The following TTC3 variants were observed in gnomAD, a reference collection of about 807,000 sequenced individuals.
TTC3 encodes E3 ubiquitin-protein ligase TTC3.
Under a neutral mutation model 249.6 loss-of-function variants are expected in TTC3, and 180 were observed. The ratio of observed to expected loss-of-function variants is 0.72; its 90% CI spans 0.64 to 0.82. The LOEUF is 0.82. TTC3 is among the 40% of genes least tolerant of loss of function. The pLI is 0.00. For missense variants in TTC3, 2,061 were observed against 2,398.4 expected, an observed-to-expected ratio of 0.86 and a Z score of 2.94; for synonymous variants, 717 against 805.0, an observed-to-expected ratio of 0.89 and a Z score of 1.85.
At position 37,095,137 on chromosome 21, in the gene TTC3, A is replaced by ATGTGTGTGTGTGTGTGTCTGTG. The variant is rs372505505; in HGVS notation, c.688-196_688-195insCTGTGTGTGTGTGTGTGTGTGT. ...GGTGACAGACCCTGTCTCTAAAAATATGTGTGTGTGTGTGTGTGTGTGTGT... is the reference window on the plus strand; with the variant it reads ...GGTGACAGACCCTGTCTCTAAAAATATGTGTGTGTGTGTGTGTCTGTGTGTGTGTGTGTGTGTGTGTGTGTGT... On this transcript the variant is annotated intron_variant, in intron 8 of 45. Coordinates refer to ENST00000355666, the Ensembl canonical transcript of TTC3. 5.2e-3 allele frequency among the ~76,000 whole-genome samples: 768 copies of ATGTGTGTGTGTGTGTGTCTGTG among 147,588 alleles called. 3 individuals carry two copies. Among genetic ancestry groups the ATGTGTGTGTGTGTGTGTCTGTG allele is most frequent in the Non-Finnish European group, 8.8e-3 (587 of 66,880 alleles).
intron 29 of TTC3, 29 bp from the exon 30 acceptor site, chr21:37,160,773 G>T: frequency 6.2e-7 from 1 of 1,610,594 alleles, no homozygotes. Flanking sequence ...TTATTTGAGT[G>T]TTCACTGATT....
chr21:37,103,865 TGTA>T (rs150552582), intron 10 of TTC3, among the ~76,000 whole-genome samples: 6,522 of 152,180 alleles, frequency 0.043, 356 homozygotes, highest in East Asian at 0.24. Flanking sequence ...AGGAGGGCCT[TGTA>T]GGCTGTGTTA....
At chr21:37,192,023 G>GA in intron 40 of TTC3, 89 bp from the exon 41 acceptor site, 1 of 804,752 alleles carries the variant, frequency 1.2e-6, no homozygotes. Context: ...TCCTTACCAA[G>GA]ACAGTTATGT....
chr21:37,076,380 T>A (rs1053756296), intron 1 of TTC3, among the ~76,000 whole-genome samples: 3 of 152,254 alleles, frequency 2.0e-5, no homozygotes, highest in Non-Finnish European at 2.9e-5. Context: ...TATGAAGTTA[T>A]ATACTTTTTG....
intron 7 of TTC3, among the ~76,000 whole-genome samples, chr21:37,093,106 G>A (rs544795516): frequency 1.4e-4 from 21 of 152,168 alleles, no homozygotes; most frequent in East Asian, 1.2e-3. Context: ...CGCTGGGCGC[G>A]GTGGCTCACA....
intron 1 of TTC3, among the ~76,000 whole-genome samples, chr21:37,079,367 C>T (rs1020693119): frequency 4.6e-5 from 7 of 151,982 alleles, no homozygotes; most frequent in Non-Finnish European, 8.8e-5. Context: ...TGGAACTTAA[C>T]TATAAGGTCA....
At chr21:37,135,161 A>C (rs1293892514) in intron 17 of TTC3, among the ~76,000 whole-genome samples, 4 of 152,236 alleles carry the variant, frequency 2.6e-5, no homozygotes, top group Admixed American at 6.5e-5. Flanking sequence ...GTCACAGGCA[A>C]CAGAAGAGGT....
exon 7 of TTC3, chr21:37,091,372 T>C (rs775953556): frequency 6.2e-7 from 1 of 1,610,896 alleles, no homozygotes; most frequent in Non-Finnish European, 8.5e-7. Context: ...TTAGGATCAA[T>C]TGACAATTGT....
chr21:37,152,963 A>G (rs749329939), exon 27 of TTC3: 72 of 1,593,212 alleles, frequency 4.5e-5, no homozygotes, highest in Non-Finnish European at 4.5e-5. Context: ...ACTGTAGACA[A>G]TGTTCAGCGT....
At chr21:37,095,811 C>G (rs928952812) in intron 9 of TTC3, among the ~76,000 whole-genome samples, 1 of 152,206 alleles carries the variant, frequency 6.6e-6, no homozygotes, top group African/African-American at 2.4e-5. Flanking sequence ...GCCACCCATT[C>G]AGGGTTTTTT....
At chr21:37,087,650 A>AT (rs1465326883) in intron 2 of TTC3, among the ~76,000 whole-genome samples, 183 bp from the exon 3 acceptor site, 2 of 152,186 alleles carry the variant, frequency 1.3e-5, no homozygotes, top group East Asian at 3.9e-4. Context: ...GGGGAGAGCC[A>AT]TAGAAGCAAA....
At chr21:37,160,113 G>T (rs2080559142) in intron 29 of TTC3, among the ~76,000 whole-genome samples, 1 of 152,186 alleles carries the variant, frequency 6.6e-6, no homozygotes, top group African/African-American at 2.4e-5. Flanking sequence ...AAGGGACTTT[G>T]TTTTGAGTGG....
At chr21:37,091,869 C>T in intron 7 of TTC3, among the ~76,000 whole-genome samples, 1 of 152,150 alleles carries the variant, frequency 6.6e-6, no homozygotes. Flanking sequence ...GCGTGGGCCA[C>T]CGTGCCTGGC....
intron 7 of TTC3, 154 bp downstream of exon 7, chr21:37,091,567 T>A (rs1166898314): frequency 5.4e-6 from 1 of 184,972 alleles, no homozygotes. Context: ...TTCTTTTTTT[T>A]ATTATTTATT....
chr21:37,164,001 C>A, intron 31 of TTC3, 50 bp from the exon 32 acceptor site: 2 of 1,551,242 alleles, frequency 1.3e-6, no homozygotes, highest in South Asian at 1.2e-5. Context: ...AATAATAAAC[C>A]AAAGGTCTAT....
At chr21:37,149,392 T>A (rs2079258069) in intron 23 of TTC3, among the ~76,000 whole-genome samples, 1 of 152,196 alleles carries the variant, frequency 6.6e-6, no homozygotes, top group African/African-American at 2.4e-5. Flanking sequence ...TTTTGTACAT[T>A]TTCACATAAT....
intron 1 of TTC3, among the ~76,000 whole-genome samples, chr21:37,081,330 A>G (rs1315774297): frequency 2.6e-5 from 4 of 151,824 alleles, no homozygotes; most frequent in Non-Finnish European, 5.9e-5. Context: ...GTTGGCCAGG[A>G]TGGTCTTGAT....
chr21:37,202,911 A>G (rs1029780805), exon 46 of TTC3: 1 of 152,174 alleles, frequency 6.6e-6, no homozygotes, highest in African/African-American at 2.4e-5. Context: ...TGGTCCCCAA[A>G]ACACTGTCTG....
At chr21:37,090,236 G>C in exon 6 of TTC3, 1 of 1,596,252 alleles carries the variant, frequency 6.3e-7, no homozygotes, top group South Asian at 1.1e-5. Flanking sequence ...TTTTCAGAAT[G>C]ATTCATTCCT....
Sources: gnomAD v4.1 joint callset for allele counts (sites outside exome capture counted in the v4.1 genomes callset) on GRCh38, gnomAD v4.1.1 for gene constraint, MANE v1.5 for transcripts, NCBI Gene and HGNC (gene_info 2026-07-23, HGNC 2026-07-21) for gene names.